KCNH7: variants seen among roughly 807,000 people sequenced by gnomAD.
The protein encoded by KCNH7 is potassium voltage-gated channel subfamily H member 7.
KCNH7 carries 49 observed loss-of-function variants against 120.8 expected under a neutral mutation model. That is an observed-to-expected ratio of 0.41 (90% CI 0.32 to 0.51). The LOEUF is 0.51. Among genes scored for constraint, KCNH7 ranks in the 20% least tolerant of loss-of-function variants. The pLI is 0.38. For missense variants in KCNH7, 1,097 were observed against 1,446.6 expected, an observed-to-expected ratio of 0.76 and a Z score of 3.92; for synonymous variants, 547 against 516.1, an observed-to-expected ratio of 1.06 and a Z score of -0.81.
At chr2:162,591,228 A>G (rs1443873566) in intron 2 of KCNH7, among the ~76,000 whole-genome samples, 2 of 151,782 alleles carry the variant, frequency 1.3e-5, no homozygotes, top group Non-Finnish European at 2.9e-5. Context: ...CATTTCTTTT[A>G]TTTTTATGCA....
chr2:162,765,776 A>C (rs1295377261), intron 2 of KCNH7, among the ~76,000 whole-genome samples: 1 of 151,950 alleles, frequency 6.6e-6, no homozygotes, highest in Non-Finnish European at 1.5e-5. Flanking sequence ...TTTCTTTTTG[A>C]AATAGGGTCT....
rs201905811 is a variant in KCNH7 at position 162,619,472 on chromosome 2, A to G, written c.308-82392T>C. On this transcript the variant is annotated intron_variant, in intron 2 of 15. Transcript: ENST00000332142. ...GACACTCAATTGTTAAAAAAAAAAA[A>G]GAAAAAAGCCAAATCCCTTTCCTAG... Among the ~76,000 whole-genome samples the G allele has an allele frequency of 4.7e-5, 7 of 147,644 alleles. No individual in the cohort carries two copies. The South Asian group carries it at 1.5e-3, about 32-fold the overall frequency.
Position 162,384,864 on chromosome 2 carries a change from T to C in KCNH7, c.2786A>G (p.Glu929Gly), listed in dbSNP as rs1466888229. ...HYQSSKRHFE[E>G]KKSRSSSFIS... ...GAAAGATGAGGATCTGCTTTTTTTC[T>C]CTTCAAAGTGTCTCTTGGAACTCTG... The change falls in exon 13 of 16, where the codon GAG (glutamate) becomes GGG (glycine). Residue 929 changes from glutamate (E) to glycine (G), a missense_variant. Glu to Gly is a moderately conservative substitution (Grantham distance 98). Around this residue, in one of 8 missense-constraint regions of KCNH7, gnomAD observed 406 missense variants for 410.5 expected, o/e 0.99. Transcript: ENST00000332142. 2 of 1,612,538 alleles carry C rather than the reference T, an allele frequency of 1.2e-6. No homozygotes were observed. The highest frequency in any genetic ancestry group is 2.7e-5 in the African/African-American group (2 of 74,844).
chr2:162,575,307 CGCATTTACCCTACTCTG>C (rs1553497052), intron 2 of KCNH7, among the ~76,000 whole-genome samples: 1 of 152,028 alleles, frequency 6.6e-6, no homozygotes, highest in Non-Finnish European at 1.5e-5. Context: ...GTTCTCTTCC[CGCATTTACCCTACTCTG>C]GCTTTCTTGT....
intron 5 of KCNH7, among the ~76,000 whole-genome samples, chr2:162,505,883 C>T (rs1429121690): frequency 1.3e-5 from 2 of 151,748 alleles, no homozygotes; most frequent in East Asian, 3.9e-4. Flanking sequence ...AAAAATTAGA[C>T]TTTAAGATTT....
chr2:162,806,099 G>T (rs1017978448), intron 2 of KCNH7, among the ~76,000 whole-genome samples: 2 of 152,046 alleles, frequency 1.3e-5, no homozygotes, highest in Non-Finnish European at 2.9e-5. Flanking sequence ...ACGGTGGGAG[G>T]GAGATGTGGG....
intron 6 of KCNH7, among the ~76,000 whole-genome samples, chr2:162,500,939 C>T (rs1157987366): frequency 1.3e-5 from 2 of 152,048 alleles, no homozygotes; most frequent in Non-Finnish European, 2.9e-5. Flanking sequence ...AAGATAGCTG[C>T]AATTAGGAAA....
rs538200456 is a variant in KCNH7 at position 162,658,983 on chromosome 2, A to T, written c.308-121903T>A. ...TTTCCTTTTCTTGTCTTGTTGCATT[A>T]GTTAGGATTTCCAGTACAAGCCAAA... On this transcript the variant is annotated intron_variant, in intron 2 of 15. Transcript: ENST00000332142. Among the ~76,000 whole-genome samples the T allele has an allele frequency of 3.0e-4, 45 of 152,226 alleles. 1 individual carries two copies. In the Middle Eastern group the frequency reaches 0.024, roughly 81 times the overall value.
intron 2 of KCNH7, among the ~76,000 whole-genome samples, chr2:162,599,523 C>T (rs1694483349): frequency 6.6e-6 from 1 of 151,726 alleles, no homozygotes; most frequent in Admixed American, 6.6e-5. Context: ...ATTTTCATTC[C>T]TTTTGACAGT....
intron 2 of KCNH7, among the ~76,000 whole-genome samples, chr2:162,827,740 G>A (rs1368540701): frequency 6.6e-6 from 1 of 152,124 alleles, no homozygotes; most frequent in African/African-American, 2.4e-5. Context: ...TGCAAGTATA[G>A]ATAAATGTAA....
intron 10 of KCNH7, 31 bp downstream of exon 10, chr2:162,400,158 A>G (rs1245755615): frequency 3.7e-6 from 6 of 1,606,488 alleles, no homozygotes; most frequent in Admixed American, 3.4e-5. Context: ...TAATAACTGA[A>G]TCTGTCACCA....
In KCNH7 at chr2:162,554,719, C is replaced by A. The variant is rs183950454; in HGVS notation, c.308-17639G>T. 2.8e-4 allele frequency among the ~76,000 whole-genome samples: 43 copies of A among 152,274 alleles called. 1 individual carries two copies. Among genetic ancestry groups the A allele is most frequent in the African/African-American group, 9.9e-4 (41 of 41,546 alleles). On this transcript the variant is annotated intron_variant, in intron 2 of 15. Coordinates refer to ENST00000332142, the MANE Select transcript of KCNH7 (RefSeq NM_033272.4). ...ACATATCCTTCATTGACTGTGCCCTCCTACCTCCCTTTCATAACGACCCTA... is the reference window on the plus strand; with the variant it reads ...ACATATCCTTCATTGACTGTGCCCTACTACCTCCCTTTCATAACGACCCTA...
chr2:162,736,283 A>G (rs1411634146), intron 2 of KCNH7, among the ~76,000 whole-genome samples: 1 of 152,188 alleles, frequency 6.6e-6, no homozygotes, highest in African/African-American at 2.4e-5. Context: ...ATTAAATGTG[A>G]TTATAGAAAA....
chr2:162,743,456 A>G (rs35628353), intron 2 of KCNH7, among the ~76,000 whole-genome samples: 3,232 of 152,244 alleles, frequency 0.021, 71 homozygotes, highest in East Asian at 0.11. Flanking sequence ...AATTATATTA[A>G]ATAATGTAGA....
intron 2 of KCNH7, among the ~76,000 whole-genome samples, chr2:162,544,001 G>A (rs936824193): frequency 2.6e-5 from 4 of 152,162 alleles, no homozygotes; most frequent in African/African-American, 9.7e-5. Context: ...GAACTCATCA[G>A]ATTAATTCTC....
At chr2:162,482,198 C>G (rs559143394) in intron 6 of KCNH7, among the ~76,000 whole-genome samples, 11 of 152,264 alleles carry the variant, frequency 7.2e-5, no homozygotes, top group Non-Finnish European at 1.3e-4. Context: ...TGATTTGGAT[C>G]TCAGAAATGA....
chr2:162,456,896 A>G (rs1006313007), intron 6 of KCNH7, among the ~76,000 whole-genome samples: 10 of 151,780 alleles, frequency 6.6e-5, no homozygotes, highest in Non-Finnish European at 1.5e-4. Flanking sequence ...TCCTTTTTTA[A>G]TAAGACAATA....
At chr2:162,629,443 C>T (rs1032570914) in intron 2 of KCNH7, among the ~76,000 whole-genome samples, 2 of 150,254 alleles carry the variant, frequency 1.3e-5, no homozygotes, top group African/African-American at 4.9e-5. Flanking sequence ...AGTGTAGATG[C>T]AATGAAGTGG....
chr2:162,537,754 C>A (rs1050116455), intron 2 of KCNH7, among the ~76,000 whole-genome samples: 1 of 152,008 alleles, frequency 6.6e-6, no homozygotes, highest in South Asian at 2.1e-4. Context: ...AGCAAAATTA[C>A]AGGGCTAGTA....
Sources: allele counts gnomAD v4.1 joint callset (sites outside exome capture counted in the v4.1 genomes callset), GRCh38; gene constraint gnomAD v4.1.1; regional missense constraint gnomAD v4.1.1; transcripts MANE v1.5; gene names NCBI Gene and HGNC (gene_info 2026-07-23, HGNC 2026-07-21).